The following AUTS2 variants were observed in gnomAD, a reference collection of about 807,000 sequenced individuals.
AUTS2 encodes activator of transcription and developmental regulator AUTS2, also known as autism susceptibility gene 2 protein.
A neutral mutation model predicts 112.4 loss-of-function variants in AUTS2; 17 were observed. That is an observed-to-expected ratio of 0.15 (90% CI 0.10 to 0.23). The LOEUF is 0.23. AUTS2 is among the 10% of genes least tolerant of loss of function. The pLI is 1.00. For synonymous variants in AUTS2, 751 were observed against 702.7 expected (o/e 1.07, Z -1.09); for missense variants, 1,510 against 1,701.6 (o/e 0.89, Z 1.98).
chr7:70,052,902 T>G (rs539912834), intron 2 of AUTS2, among the ~76,000 whole-genome samples: 79 of 152,310 alleles, frequency 5.2e-4, no homozygotes, highest in African/African-American at 1.5e-3. Context: ...TCATGCATGC[T>G]TTCTGTATGA....
chr7:69,888,079 G>T (rs531100086), intron 1 of AUTS2, among the ~76,000 whole-genome samples: 5 of 152,282 alleles, frequency 3.3e-5, no homozygotes, highest in Admixed American at 3.3e-4. Context: ...GGGAGGCCAA[G>T]GCGGGAGGAT....
intron 5 of AUTS2, among the ~76,000 whole-genome samples, chr7:70,519,016 C>T (rs973773973): frequency 6.6e-6 from 1 of 152,088 alleles, no homozygotes; most frequent in Admixed American, 6.6e-5. Flanking sequence ...TAATATGTAC[C>T]TCTTTTCACC....
intron 1 of AUTS2, among the ~76,000 whole-genome samples, chr7:69,692,340 A>G (rs1366290897): frequency 6.6e-6 from 1 of 152,206 alleles, no homozygotes; most frequent in African/African-American, 2.4e-5. Context: ...AAGACCTACC[A>G]TTTTTAAGGT....
intron 5 of AUTS2, among the ~76,000 whole-genome samples, chr7:70,444,595 C>T (rs1337931689): frequency 6.6e-6 from 1 of 152,120 alleles, no homozygotes; most frequent in African/African-American, 2.4e-5. Flanking sequence ...ATTAAAGTTA[C>T]AGCTGGGAAG....
intron 2 of AUTS2, among the ~76,000 whole-genome samples, chr7:70,015,147 G>C (rs1799971755): frequency 6.6e-6 from 1 of 152,180 alleles, no homozygotes; most frequent in Non-Finnish European, 1.5e-5. Flanking sequence ...TCTCCTGAAA[G>C]TCCTATTAAT....
chr7:70,649,584 A>T (rs1240722056), intron 5 of AUTS2, among the ~76,000 whole-genome samples: 1 of 151,432 alleles, frequency 6.6e-6, no homozygotes, highest in East Asian at 1.9e-4. Context: ...GCTGGAGTGC[A>T]GTAGTGCGAT....
At chr7:70,118,329 C>T (rs1584749296) in intron 3 of AUTS2, 96 bp downstream of exon 3, 1 of 1,343,742 alleles carries the variant, frequency 7.4e-7, no homozygotes, top group Non-Finnish European at 9.7e-7. Flanking sequence ...CATAACTTTC[C>T]CTCATCTTTA....
intron 1 of AUTS2, among the ~76,000 whole-genome samples, chr7:69,732,819 A>C (rs1170193255): frequency 6.6e-6 from 1 of 152,236 alleles, no homozygotes; most frequent in Non-Finnish European, 1.5e-5. Context: ...CAAAGAAGGC[A>C]TGATGTCTCA....
At chr7:69,904,654 C>G (rs76172691) in intron 2 of AUTS2, among the ~76,000 whole-genome samples, 13,166 of 152,220 alleles carry the variant, frequency 0.086, 656 homozygotes, top group East Asian at 0.13. Flanking sequence ...CCTCATACTT[C>G]AAAATTTCAA....
At chr7:69,917,239 G>T (rs1357553950) in intron 2 of AUTS2, among the ~76,000 whole-genome samples, 1 of 151,080 alleles carries the variant, frequency 6.6e-6, no homozygotes, top group Non-Finnish European at 1.5e-5. Flanking sequence ...GTGTTTTCTA[G>T]GCTGGTGCCC....
chr7:70,190,760 T>A (rs1013227523), intron 4 of AUTS2, among the ~76,000 whole-genome samples: 1 of 152,232 alleles, frequency 6.6e-6, no homozygotes, highest in Non-Finnish European at 1.5e-5. Flanking sequence ...TATAAAGTAA[T>A]AGGAGTTTCC....
rs528335579 is a variant in AUTS2, at chr7:70,622,296, G to C, written c.691-76273G>C. On this transcript the variant is annotated intron_variant, in intron 5 of 18. Transcript: ENST00000342771. ...CTTTGACTTATATTCTCTCCTGCCTGAGGGGCCTGCCGTTGTCCTCTGTTC... is the reference window on the plus strand; with the variant it reads ...CTTTGACTTATATTCTCTCCTGCCTCAGGGGCCTGCCGTTGTCCTCTGTTC... Among the ~76,000 whole-genome samples the C allele has an allele frequency of 2.6e-5, 4 of 152,220 alleles. 1 individual carries two copies. In the South Asian group the frequency reaches 8.3e-4, roughly 32 times the overall value.
chr7:70,619,109 C>T (rs776300717), intron 5 of AUTS2, among the ~76,000 whole-genome samples: 2 of 152,182 alleles, frequency 1.3e-5, no homozygotes, highest in African/African-American at 4.8e-5. Flanking sequence ...CTCCCTGGGT[C>T]TCCCTTTCCA....
chr7:70,065,935 C>T (rs563941889), intron 2 of AUTS2, among the ~76,000 whole-genome samples: 25 of 152,110 alleles, frequency 1.6e-4, no homozygotes, highest in Admixed American at 1.4e-3. Flanking sequence ...CTCAAATTCC[C>T]GGCTTCATGC....
rs200867539 is a variant in AUTS2 at position 70,053,544 on chromosome 7, G to GTTTTTTTTTTTTTTTTTTTTTT, written c.523-64576_523-64575insTTTTTTTTTTTTTTTTTTTTTT. Among the ~76,000 whole-genome samples the GTTTTTTTTTTTTTTTTTTTTTT allele has an allele frequency of 9.7e-3, 1,232 of 127,420 alleles. 85 individuals are homozygous for GTTTTTTTTTTTTTTTTTTTTTT. The highest frequency in any genetic ancestry group is 0.015 in the Non-Finnish European group (888 of 60,682). The allele number at this position is 127,420 out of a possible 152,430, so 83.6% of individuals were successfully genotyped here. A position where few individuals can be genotyped will look rare whatever the true frequency, so the allele number is the denominator to read the frequency against. ...ATTGTGGCAACCACTGTTTTGGGTG[G>GTTTTTTTTTTTTTTTTTTTTTT]TTTTTTTTTTTTGGAGACAGGATCT... On this transcript the variant is annotated intron_variant, in intron 2 of 18. Transcript: ENST00000342771.
intron 7 of AUTS2, 108 bp downstream of exon 7, chr7:70,763,449 A>T: frequency 1.3e-6 from 1 of 772,924 alleles, no homozygotes; most frequent in East Asian, 2.7e-5. Context: ...CTTGTTGGAA[A>T]CATCATCCTT....
chr7:70,337,124 A>G (rs1290250306), intron 4 of AUTS2, among the ~76,000 whole-genome samples: 1 of 152,186 alleles, frequency 6.6e-6, no homozygotes, highest in South Asian at 2.1e-4. Flanking sequence ...TAAAATTTGT[A>G]GGTCAAGCCT....
intron 5 of AUTS2, among the ~76,000 whole-genome samples, chr7:70,613,147 G>A (rs1804181875): frequency 6.6e-6 from 1 of 152,002 alleles, no homozygotes; most frequent in Admixed American, 6.6e-5. Flanking sequence ...AGTGATTAAA[G>A]CTGTCATTTG....
chr7:70,238,758 A>G (rs762653946), intron 4 of AUTS2, among the ~76,000 whole-genome samples: 1 of 151,952 alleles, frequency 6.6e-6, no homozygotes, highest in African/African-American at 2.4e-5. Context: ...TTTCTCTTAC[A>G]ATCCCCCACC....
Sources: allele counts gnomAD v4.1 joint callset (sites outside exome capture counted in the v4.1 genomes callset), GRCh38; gene constraint gnomAD v4.1.1; transcripts MANE v1.5; gene names NCBI Gene and HGNC (gene_info 2026-07-23, HGNC 2026-07-21).